The following IMMP2L variants were observed in gnomAD, a reference collection of about 807,000 sequenced individuals.
IMMP2L encodes the protein mitochondrial inner membrane protease subunit 2.
Under a neutral mutation model 19.3 loss-of-function variants are expected in IMMP2L, and 18 were observed. The observed-to-expected ratio is 0.93, with a 90% CI of 0.64 to 1.38. The LOEUF is 1.38. IMMP2L is among the 40% of genes most tolerant of loss of function. The probability of loss-of-function intolerance (pLI) is 0.00; values close to 1 mark genes in which losing one functional copy is unlikely to be tolerated. For missense variants in IMMP2L, 233 were observed against 218.2 expected (o/e 1.07, Z -0.43); for synonymous variants, 76 against 73.0 (o/e 1.04, Z -0.21).
intron 5 of IMMP2L, among the ~76,000 whole-genome samples, chr7:110,880,005 G>C (rs902466473): frequency 3.3e-5 from 5 of 152,020 alleles, no homozygotes; most frequent in Non-Finnish European, 7.4e-5. Flanking sequence ...AATTCTTTAG[G>C]AGTCATATTA....
At chr7:110,982,989 C>G (rs1485806202) in intron 3 of IMMP2L, among the ~76,000 whole-genome samples, 2 of 152,022 alleles carry the variant, frequency 1.3e-5, no homozygotes, top group African/African-American at 4.8e-5. Flanking sequence ...CACACCTTCC[C>G]TCAACTAAGG....
At chr7:111,206,255 T>G (rs1212214781) in intron 3 of IMMP2L, among the ~76,000 whole-genome samples, 1 of 152,184 alleles carries the variant, frequency 6.6e-6, no homozygotes, top group Non-Finnish European at 1.5e-5. Context: ...CTTAAGCTTA[T>G]TTCCTCTCCA....
At chr7:110,875,446 C>T (rs1454742535) in intron 5 of IMMP2L, among the ~76,000 whole-genome samples, 1 of 151,918 alleles carries the variant, frequency 6.6e-6, no homozygotes, top group Non-Finnish European at 1.5e-5. Flanking sequence ...AGACTCTGTA[C>T]CAAATATTTT....
At position 111,196,509 on chromosome 7, in the gene IMMP2L, G is replaced by C. The variant is rs115350594; in HGVS notation, c.240-232944C>G. Among the ~76,000 whole-genome samples the C allele has an allele frequency of 4.1e-3, 621 of 152,174 alleles. 7 individuals are homozygous for C. The highest frequency in any genetic ancestry group is 0.014 in the African/African-American group (600 of 41,502). ...ATGAAGTCTCATTCAAAAAGATTATGGAGGACACTAAGAGTCTCCTATACA... is the reference window on the plus strand; with the variant it reads ...ATGAAGTCTCATTCAAAAAGATTATCGAGGACACTAAGAGTCTCCTATACA... On this transcript the variant is annotated intron_variant, in intron 3 of 5. Transcript: ENST00000405709.
chr7:111,179,200 A>G (rs757270548), intron 3 of IMMP2L, among the ~76,000 whole-genome samples: 6 of 150,318 alleles, frequency 4.0e-5, no homozygotes, highest in African/African-American at 7.4e-5. Flanking sequence ...TAATATTTTG[A>G]AAAAAAAAAT....
In IMMP2L at chr7:111,414,186, C is replaced by CTT. The variant is rs1486680521; in HGVS notation, c.239+73051_239+73052insAA. On this transcript the variant is annotated intron_variant, in intron 3 of 5. Coordinates refer to ENST00000405709, the MANE Select transcript of IMMP2L (RefSeq NM_032549.4). The stretch of plus-strand genomic sequence containing the variant: ...GTACACTAGAACCAGAAAGAGAAGC[C>CTT]CCTTCCTCCTGTTCCCCTGCAGGAA... Among the ~76,000 whole-genome samples the CTT allele has an allele frequency of 2.2e-4, 34 of 151,836 alleles. 1 individual carries two copies. In the East Asian group the frequency reaches 5.4e-3, roughly 24 times the overall value.
chr7:110,968,091 T>G (rs192334818), intron 3 of IMMP2L, among the ~76,000 whole-genome samples: 1 of 151,974 alleles, frequency 6.6e-6, no homozygotes. Context: ...GAAATGGAAA[T>G]AGAGTCTTGC....
chr7:111,061,001 A>C (rs950957135), intron 3 of IMMP2L, among the ~76,000 whole-genome samples: 2 of 152,226 alleles, frequency 1.3e-5, no homozygotes, highest in African/African-American at 4.8e-5. Flanking sequence ...ATAATCTTTT[A>C]TGCATAATAA....
At chr7:111,271,641 C>T (rs571102054) in intron 3 of IMMP2L, among the ~76,000 whole-genome samples, 5 of 152,204 alleles carry the variant, frequency 3.3e-5, no homozygotes, top group African/African-American at 4.8e-5. Context: ...TTGCTGGTCA[C>T]GGGACCACAT....
intron 1 of IMMP2L, among the ~76,000 whole-genome samples, chr7:111,536,725 A>T (rs886899357): frequency 2.0e-5 from 3 of 152,152 alleles, no homozygotes; most frequent in Non-Finnish European, 2.9e-5. Context: ...TTCTACACTA[A>T]TTTCCAAAGA....
At chr7:111,304,429 C>T (rs1822601806) in intron 3 of IMMP2L, among the ~76,000 whole-genome samples, 1 of 151,656 alleles carries the variant, frequency 6.6e-6, no homozygotes, top group African/African-American at 2.4e-5. Flanking sequence ...AATTAGCACC[C>T]TGAGAATGAA....
chr7:111,122,854 G>C, intron 3 of IMMP2L: 1 of 1,613,956 alleles, frequency 6.2e-7, no homozygotes, highest in Non-Finnish European at 8.5e-7. Context: ...TAAAAAAGTG[G>C]ATTGTCCACG....
chr7:111,372,051 T>C (rs1281778775), intron 3 of IMMP2L, among the ~76,000 whole-genome samples: 3 of 151,974 alleles, frequency 2.0e-5, no homozygotes, highest in African/African-American at 4.8e-5. Flanking sequence ...TCCAATTTTG[T>C]CAAGGAGAAA....
chr7:111,370,959 A>C (rs1830211112), intron 3 of IMMP2L, among the ~76,000 whole-genome samples: 1 of 151,884 alleles, frequency 6.6e-6, no homozygotes, highest in African/African-American at 2.4e-5. Context: ...TTATTATATA[A>C]GATTTTTATT....
intron 4 of IMMP2L, among the ~76,000 whole-genome samples, chr7:110,943,214 C>G (rs975884469): frequency 2.0e-5 from 3 of 151,880 alleles, no homozygotes; most frequent in Non-Finnish European, 4.4e-5. Context: ...ATTTTTAGGC[C>G]CTTTTGACAG....
intron 5 of IMMP2L, among the ~76,000 whole-genome samples, chr7:110,730,831 G>A (rs1264333812): frequency 1.3e-5 from 2 of 152,072 alleles, no homozygotes; most frequent in African/African-American, 2.4e-5. Flanking sequence ...GGCCGGGACT[G>A]GCTTTCTTAC....
At chr7:111,258,851 A>C (rs1817005027) in intron 3 of IMMP2L, among the ~76,000 whole-genome samples, 6 of 152,132 alleles carry the variant, frequency 3.9e-5, no homozygotes, top group Admixed American at 2.6e-4. Flanking sequence ...TACACTTTTC[A>C]GTACTTATAC....
Position 111,267,887 on chromosome 7 carries a change from G to A in IMMP2L, c.239+219351C>T, listed in dbSNP as rs575393753. ...TGAGTCATTGTATAAAAATAGTGTC[G>A]GTTCATTCTCTGTATCATTACAGAG... is the stretch of plus-strand genomic sequence containing the variant. On this transcript the variant is annotated intron_variant, in intron 3 of 5. Coordinates refer to ENST00000405709, the MANE Select transcript of IMMP2L (RefSeq NM_032549.4). 3.9e-5 allele frequency among the ~76,000 whole-genome samples: 6 copies of A among 152,014 alleles called. No individual in the cohort carries two copies. The South Asian group carries it at 6.3e-4, about 16-fold the overall frequency.
rs1811604766 is a variant in IMMP2L at position 111,213,903 on chromosome 7, C to A, written c.240-250338G>T. On this transcript the variant is annotated intron_variant, in intron 3 of 5. Transcript: ENST00000405709. This position sits in a 1 kb window ranked among gnomAD's most constrained non-coding sequence, Gnocchi z 4.8. ...CATGTGACAGTCCTACAAATGTACC[C>A]CCTGTATCTAAGATAAAAGGTGATT... Among the ~76,000 whole-genome samples the A allele has an allele frequency of 6.6e-6, 1 of 152,014 alleles. No individual in the cohort carries two copies. Among genetic ancestry groups the A allele is most frequent in the South Asian group, 2.1e-4 (1 of 4,826 alleles).
Sources: allele counts gnomAD v4.1 joint callset (sites outside exome capture counted in the v4.1 genomes callset), GRCh38; gene constraint gnomAD v4.1.1; non-coding constraint Gnocchi (gnomAD v3.1); transcripts MANE v1.5; gene names NCBI Gene and HGNC (gene_info 2026-07-23, HGNC 2026-07-21).